The following CTNND2 variants were observed in gnomAD, a reference collection of about 807,000 sequenced individuals.
The protein encoded by CTNND2 is catenin delta-2.
CTNND2 carries 22 observed loss-of-function variants against 144.4 expected under a neutral mutation model. The ratio of observed to expected loss-of-function variants is 0.15; its 90% CI spans 0.11 to 0.22. The LOEUF is 0.22. CTNND2 is among the 10% of genes least tolerant of loss of function. The pLI, the probability that CTNND2 is intolerant of heterozygous loss-of-function variation, is 1.00. For missense variants in CTNND2, 1,353 were observed against 1,618.8 expected (o/e 0.84, Z 2.82); for synonymous variants, 751 against 695.6 (o/e 1.08, Z -1.25).
chr5:11,044,169 G>A (rs569661134), intron 16 of CTNND2, among the ~76,000 whole-genome samples: 1 of 152,084 alleles, frequency 6.6e-6, no homozygotes, highest in Non-Finnish European at 1.5e-5. Flanking sequence ...CTTTCCCTTG[G>A]TAAGAATGAC....
At chr5:11,586,591 T>C (rs2429308) in intron 2 of CTNND2, among the ~76,000 whole-genome samples, 126,451 of 152,202 alleles carry the variant, frequency 0.83, 53,283 homozygotes, top group African/African-American at 0.94. Flanking sequence ...AGATAGGATT[T>C]TCCAACTTGG....
chr5:11,510,212 G>A (rs1273903232), intron 3 of CTNND2, among the ~76,000 whole-genome samples: 2 of 152,078 alleles, frequency 1.3e-5, no homozygotes, highest in Non-Finnish European at 2.9e-5. Flanking sequence ...AAACTGTTGG[G>A]ATTACAGGAA....
At chr5:11,389,590 C>A (rs141920135) in intron 6 of CTNND2, among the ~76,000 whole-genome samples, 20 of 151,998 alleles carry the variant, frequency 1.3e-4, no homozygotes, top group African/African-American at 4.1e-4. Context: ...GATGTATTTA[C>A]AAAGTATAGT....
chr5:11,392,633 G>T (rs1759735252), intron 6 of CTNND2, among the ~76,000 whole-genome samples: 1 of 152,148 alleles, frequency 6.6e-6, no homozygotes. Context: ...AAAATGGAGA[G>T]AAAAGATTTT....
At chr5:11,180,405 G>A (rs1456138774) in intron 11 of CTNND2, among the ~76,000 whole-genome samples, 2 of 152,104 alleles carry the variant, frequency 1.3e-5, no homozygotes, top group Non-Finnish European at 2.9e-5. Context: ...AGGGTCATGT[G>A]GCCTTAAATG....
intron 2 of CTNND2, among the ~76,000 whole-genome samples, chr5:11,610,341 T>C (rs1221937195): frequency 6.6e-6 from 1 of 152,192 alleles, no homozygotes; most frequent in Non-Finnish European, 1.5e-5. Context: ...CATTTCAAAC[T>C]CTTTAGCTGA....
intron 11 of CTNND2, among the ~76,000 whole-genome samples, chr5:11,191,959 G>A (rs567471679): frequency 4.6e-5 from 7 of 152,208 alleles, no homozygotes; most frequent in East Asian, 3.9e-4. Flanking sequence ...CAGACACAGC[G>A]GCAAAGCCTT....
chr5:11,303,187 CAGCTAAACTGAATTCT>C, intron 9 of CTNND2, among the ~76,000 whole-genome samples: 4 of 152,348 alleles, frequency 2.6e-5, no homozygotes, highest in Admixed American at 2.6e-4. Flanking sequence ...CTCGAAAATA[CAGCTAAACTGAATTCT>C]AGCTTGGTGT....
intron 2 of CTNND2, among the ~76,000 whole-genome samples, chr5:11,607,221 A>T (rs1030872142): frequency 1.3e-5 from 2 of 152,122 alleles, no homozygotes; most frequent in African/African-American, 4.8e-5. Flanking sequence ...TGGCCTTGAG[A>T]ACTGTGAAAC....
At chr5:11,638,700 A>G (rs74524851) in intron 2 of CTNND2, among the ~76,000 whole-genome samples, 5,817 of 152,138 alleles carry the variant, frequency 0.038, 209 homozygotes, top group African/African-American at 0.098. Context: ...CAGCCTCCCC[A>G]GTAGCTGGAA....
At chr5:11,104,010 C>G (rs1014886245) in intron 14 of CTNND2, among the ~76,000 whole-genome samples, 1 of 152,208 alleles carries the variant, frequency 6.6e-6, no homozygotes. Context: ...TTCCACCTGT[C>G]ACAGGCTTCA....
rs952121042 is a variant in CTNND2 at position 11,753,611 on chromosome 5, A to C, written c.38-21339T>G. Among the ~76,000 whole-genome samples, 27 of 151,770 alleles carry C rather than the reference A, an allele frequency of 1.8e-4. 1 individual carries two copies. The highest frequency in any genetic ancestry group is 5.9e-5 in the Non-Finnish European group (4 of 67,810). Reference sequence around the variant, plus strand: ...TGACTTTTTACATCAATGTTCATCAAGGATATTGGCCCAAAGTTTTCTTTT... The same window carrying C: ...TGACTTTTTACATCAATGTTCATCACGGATATTGGCCCAAAGTTTTCTTTT... On this transcript the variant is annotated intron_variant, in intron 1 of 21. Transcript: ENST00000304623.
rs540175532 is a variant in CTNND2 at position 11,513,991 on chromosome 5, C to T, written c.287+50953G>A. On this transcript the variant is annotated intron_variant, in intron 3 of 21. Transcript: ENST00000304623. ...CTAACAAGAAATGGGCCAGCCTGGG[C>T]AACATAGGGAGACTTCGTCTCTACA... Among the ~76,000 whole-genome samples, 10 of 152,094 alleles carry T rather than the reference C, an allele frequency of 6.6e-5. No homozygotes were observed. The South Asian group carries it at 2.1e-3, about 32-fold the overall frequency.
At chr5:11,606,965 A>G (rs1023948783) in intron 2 of CTNND2, among the ~76,000 whole-genome samples, 1 of 152,248 alleles carries the variant, frequency 6.6e-6, no homozygotes, top group Non-Finnish European at 1.5e-5. Flanking sequence ...AGTTAAAATA[A>G]TATCAATAGG....
intron 2 of CTNND2, among the ~76,000 whole-genome samples, chr5:11,565,428 G>GA (rs1196118996): frequency 5.9e-5 from 9 of 152,050 alleles, no homozygotes; most frequent in Non-Finnish European, 1.2e-4. Context: ...CATTTAATGA[G>GA]AAAAAGAGTT....
intron 11 of CTNND2, among the ~76,000 whole-genome samples, chr5:11,181,840 ATGTGTGTGTGGATG>A (rs370752477): frequency 0.18 from 11,816 of 65,096 alleles, 1,499 homozygotes; most frequent in African/African-American, 0.41. Flanking sequence ...TATGTGTGGC[ATGTGTGTGTGGATG>A]TGTGTGTGTG....
At chr5:11,886,383 T>C (rs1026719790) in intron 1 of CTNND2, among the ~76,000 whole-genome samples, 1 of 151,956 alleles carries the variant, frequency 6.6e-6, no homozygotes, top group Non-Finnish European at 1.5e-5. Flanking sequence ...ACCACAGAAA[T>C]ACAAAGGGTC....
intron 9 of CTNND2, 62 bp downstream of exon 9, chr5:11,346,310 T>C (rs536581050): frequency 1.5e-6 from 2 of 1,315,890 alleles, no homozygotes; most frequent in East Asian, 2.8e-5. Flanking sequence ...TGAAATAAAT[T>C]ACAGTACCAG....
At chr5:11,072,834 C>T (rs1341848352) in intron 16 of CTNND2, among the ~76,000 whole-genome samples, 1 of 152,228 alleles carries the variant, frequency 6.6e-6, no homozygotes, top group Non-Finnish European at 1.5e-5. Context: ...CCTTCCTGGT[C>T]CCCTGGTGTA....
Sources: gnomAD v4.1 joint callset for allele counts (sites outside exome capture counted in the v4.1 genomes callset) on GRCh38, gnomAD v4.1.1 for gene constraint, MANE v1.5 for transcripts, NCBI Gene and HGNC (gene_info 2026-07-23, HGNC 2026-07-21) for gene names.